Variants in DLGAP2 observed in about 807,000 individuals in gnomAD.
DLGAP2 encodes the protein DLG associated protein 2, also known as disks large-associated protein 2.
In DLGAP2, 26 loss-of-function variants were observed where a neutral mutation model predicts 100.3. The observed-to-expected ratio is 0.26, with a 90% confidence interval of 0.19 to 0.36. DLGAP2 has a LOEUF of 0.36. Ranked by LOEUF, DLGAP2 falls within the 10% of genes least tolerant of loss-of-function variation. The probability of loss-of-function intolerance (pLI) is 1.00; values close to 1 mark genes in which losing one functional copy is unlikely to be tolerated. For missense variants in DLGAP2, 1,858 were observed against 1,453.2 expected, an observed-to-expected ratio of 1.28 and a Z score of -4.53; for synonymous variants, 886 against 630.1, an observed-to-expected ratio of 1.41 and a Z score of -6.08.
intron 2 of DLGAP2, among the ~76,000 whole-genome samples, chr8:1,091,189 G>A (rs1804168657): frequency 1.3e-5 from 2 of 152,300 alleles, no homozygotes; most frequent in South Asian, 4.1e-4. Flanking sequence ...TCCTGGTCAT[G>A]TAAACGTCAC....
Position 967,122 on chromosome 8 carries a change from G to A in DLGAP2, c.73+59156G>A, listed in dbSNP as rs538189627. 3.9e-5 allele frequency among the ~76,000 whole-genome samples: 6 copies of A among 152,350 alleles called. No individual in the cohort carries two copies. In the South Asian group the frequency reaches 6.2e-4, roughly 16 times the overall value. ...ATTATACAGATGTCTTTCCAGCACA[G>A]GCTCCTTGGAGAGGTGGCTGGGCCA... On this transcript the variant is annotated intron_variant, in intron 2 of 14. Transcript: ENST00000637795.
chr8:1,117,315 C>T (rs1029925479), intron 2 of DLGAP2, among the ~76,000 whole-genome samples: 5 of 152,198 alleles, frequency 3.3e-5, no homozygotes, highest in African/African-American at 1.2e-4. Flanking sequence ...CTCAGAGGTG[C>T]CACACTGGGG....
intron 3 of DLGAP2, among the ~76,000 whole-genome samples, chr8:1,344,211 GGGGCC>G (rs1801502288): frequency 8.8e-6 from 1 of 113,166 alleles, no homozygotes; most frequent in Admixed American, 8.7e-5. Context: ...GCCCTGTCGT[GGGGCC>G]TGTGCCGTGT....
intron 2 of DLGAP2, among the ~76,000 whole-genome samples, chr8:1,125,133 G>A (rs1469404066): frequency 6.6e-6 from 1 of 152,140 alleles, no homozygotes; most frequent in Non-Finnish European, 1.5e-5. Flanking sequence ...TCCCAAGATT[G>A]ACTTTAAATA....
chr8:829,419 C>T (rs1173471878), intron 1 of DLGAP2, among the ~76,000 whole-genome samples: 10 of 152,044 alleles, frequency 6.6e-5, no homozygotes, highest in Admixed American at 6.6e-4. Flanking sequence ...TATTACCAGG[C>T]CTTCTGGGTA....
intron 3 of DLGAP2, among the ~76,000 whole-genome samples, chr8:1,386,349 A>G (rs1796219478): frequency 6.6e-6 from 1 of 152,220 alleles, no homozygotes; most frequent in Non-Finnish European, 1.5e-5. Context: ...ACATAGGCCG[A>G]CACCCCTGGA....
chr8:1,560,178 C>T (rs535344874), intron 5 of DLGAP2, among the ~76,000 whole-genome samples: 13 of 152,332 alleles, frequency 8.5e-5, no homozygotes, highest in East Asian at 1.9e-4. Context: ...CTCCTAGTGA[C>T]GGTCCCTGTT....
chr8:1,156,582 C>T (rs1365700384), intron 2 of DLGAP2, among the ~76,000 whole-genome samples: 1 of 133,004 alleles, frequency 7.5e-6, no homozygotes, highest in South Asian at 2.4e-4. Flanking sequence ...CCTGCTCAGC[C>T]CCCCAGCCCA....
At chr8:1,066,568 A>G (rs1010956606) in intron 2 of DLGAP2, among the ~76,000 whole-genome samples, 7 of 148,852 alleles carry the variant, frequency 4.7e-5, no homozygotes, top group African/African-American at 1.8e-4. Flanking sequence ...GTCAGGTCTG[A>G]GTGAGGGCAG....
intron 2 of DLGAP2, among the ~76,000 whole-genome samples, chr8:1,193,109 G>C (rs7824427): frequency 1.3e-5 from 2 of 151,658 alleles, no homozygotes; most frequent in Admixed American, 1.3e-4. Context: ...TCTTTGCTAT[G>C]GTGAATAGTG....
intron 1 of DLGAP2, among the ~76,000 whole-genome samples, chr8:809,588 A>C (rs1199496952): frequency 6.6e-6 from 1 of 152,148 alleles, no homozygotes; most frequent in Non-Finnish European, 1.5e-5. Flanking sequence ...AAAGCCATAA[A>C]ATTACAGATG....
Position 1,568,485 on chromosome 8 carries a change from G to A in DLGAP2, c.1442+2591G>A, listed in dbSNP as rs535102958. Among the ~76,000 whole-genome samples, 239 of 76,944 alleles carry A rather than the reference G, an allele frequency of 3.1e-3. 1 individual carries two copies. Among genetic ancestry groups the A allele is most frequent in the Admixed American group, 5.1e-3 (36 of 7,022 alleles). The allele number at this position is 76,944 out of a possible 152,430, so 50.5% of individuals were successfully genotyped here. A position where few individuals can be genotyped will look rare whatever the true frequency, so the allele number is the denominator to read the frequency against. On this transcript the variant is annotated intron_variant, in intron 6 of 14. Coordinates refer to ENST00000637795, the MANE Select transcript of DLGAP2 (RefSeq NM_001346810.2). The stretch of plus-strand genomic sequence containing the variant: ...CTGTCCACTCAGCAGACACAAATCC[G>A]TCTCTGCCCGTGGCCCCCATGCCAC...
chr8:1,176,892 C>G (rs894180644), intron 2 of DLGAP2, among the ~76,000 whole-genome samples: 2 of 152,108 alleles, frequency 1.3e-5, no homozygotes, highest in African/African-American at 4.8e-5. Flanking sequence ...GATATGTCAC[C>G]AACTCAGACA....
intron 1 of DLGAP2, among the ~76,000 whole-genome samples, chr8:806,575 C>T (rs180683400): frequency 6.6e-6 from 1 of 152,116 alleles, no homozygotes; most frequent in Non-Finnish European, 1.5e-5. Flanking sequence ...GAAGCAGGTG[C>T]CCCCCGAACA....
chr8:1,503,315 A>T (rs1245329403), intron 4 of DLGAP2, among the ~76,000 whole-genome samples: 5 of 151,310 alleles, frequency 3.3e-5, no homozygotes, highest in Non-Finnish European at 1.5e-5. Flanking sequence ...TGGAACCCCC[A>T]TTCTGCTTTC....
At chr8:931,172 A>G (rs923575356) in intron 2 of DLGAP2, among the ~76,000 whole-genome samples, 3 of 152,186 alleles carry the variant, frequency 2.0e-5, no homozygotes, top group Non-Finnish European at 4.4e-5. Context: ...CCACTGCCCT[A>G]CTGAATCTTG....
intron 1 of DLGAP2, among the ~76,000 whole-genome samples, chr8:843,057 G>A (rs371492265): frequency 6.6e-6 from 1 of 152,318 alleles, no homozygotes; most frequent in East Asian, 1.9e-4. Context: ...TGTGCAGGCA[G>A]GGGTGTTATT....
At chr8:1,640,490 CTT>C (rs1797872120) in intron 8 of DLGAP2, among the ~76,000 whole-genome samples, 6 of 152,220 alleles carry the variant, frequency 3.9e-5, no homozygotes, top group Non-Finnish European at 8.8e-5. Context: ...ATCTGAACGT[CTT>C]CCCAGCCGCT....
chr8:1,555,988 T>G (rs1354705177), intron 5 of DLGAP2, among the ~76,000 whole-genome samples: 1 of 152,216 alleles, frequency 6.6e-6, no homozygotes, highest in African/African-American at 2.4e-5. Flanking sequence ...ACTGGGTGGG[T>G]GCATGCGCTG....
Sources: gnomAD v4.1 joint callset for allele counts (sites outside exome capture counted in the v4.1 genomes callset) on GRCh38, gnomAD v4.1.1 for gene constraint, MANE v1.5 for transcripts, NCBI Gene and HGNC (gene_info 2026-07-23, HGNC 2026-07-21) for gene names.